Variants in ALPL observed in about 807,000 individuals in gnomAD.
The protein encoded by ALPL is alkaline phosphatase, biomineralization associated.
A neutral mutation model predicts 51.3 loss-of-function variants in ALPL; 42 were observed. That is an observed-to-expected ratio of 0.82 (90% CI 0.64 to 1.06). The LOEUF (loss-of-function observed/expected upper bound fraction) is 1.06. Among genes scored for constraint, ALPL ranks in the 50% least tolerant of loss-of-function variants. The probability of loss-of-function intolerance (pLI) is 0.00; values close to 1 mark genes in which losing one functional copy is unlikely to be tolerated. For missense variants in ALPL, 589 were observed against 709.4 expected (o/e 0.83, Z 1.93); for synonymous variants, 279 against 296.4 (o/e 0.94, Z 0.60).
At chr1:21,562,272 GA>G (rs1644495592) in intron 4 of ALPL, among the ~76,000 whole-genome samples, 1 of 152,146 alleles carries the variant, frequency 6.6e-6, no homozygotes, top group African/African-American at 2.4e-5. Context: ...CATGTTTTTG[GA>G]AAAAATGATG....
rs1644532862 is a variant in ALPL, at chr1:21,564,310, C to T, written c.648+94C>T. Reference sequence around the variant, plus strand: ...GCCCAGGCTGGCCCGGAGAAAGCAGCCTGGCCTGGCTCCCCACACACCTGG... The same window carrying T: ...GCCCAGGCTGGCCCGGAGAAAGCAGTCTGGCCTGGCTCCCCACACACCTGG... On this transcript the variant is annotated intron_variant, in intron 6 of 11. Coordinates refer to ENST00000374840, the MANE Select transcript of ALPL (RefSeq NM_000478.6). The surrounding 1 kb of genome is among the most constrained non-coding windows in gnomAD (Gnocchi z 5.8). 3 of 1,495,438 alleles carry T rather than the reference C, an allele frequency of 2.0e-6. No homozygotes were observed. The highest frequency in any genetic ancestry group is 2.7e-6 in the Non-Finnish European group (3 of 1,095,612). The allele number at this position is 1,495,438 out of a possible 1,614,324, so 92.6% of individuals were successfully genotyped here.
intron 1 of ALPL, among the ~76,000 whole-genome samples, chr1:21,528,880 G>A (rs1643989592): frequency 6.6e-6 from 1 of 151,576 alleles, no homozygotes; most frequent in Non-Finnish European, 1.5e-5. Context: ...GACCAGCCTG[G>A]TCAACATGGC....
In ALPL at chr1:21,573,708, C is replaced by G. The variant is rs560308330; in HGVS notation, c.906C>G (p.Asn302Lys). ...PGDMQYELNR[N>K]NVTDPSLSEM... Reference sequence around the variant, plus strand: ...ACATGCAGTACGAGCTGAACAGGAACAACGTGACGGACCCGTCACTCTCCG... The same window carrying G: ...ACATGCAGTACGAGCTGAACAGGAAGAACGTGACGGACCCGTCACTCTCCG... The change falls in exon 9 of 12, where the codon AAC (asparagine) becomes AAG (lysine). Residue 302 changes from asparagine (N) to lysine (K), a missense_variant. By Grantham distance (94) the Asn-to-Lys change is moderately conservative. Transcript: ENST00000374840. The G allele has an allele frequency of 1.2e-6, 2 of 1,614,078 alleles. No individual in the cohort carries two copies. Among genetic ancestry groups the G allele is most frequent in the South Asian group, 2.2e-5 (2 of 91,060 alleles).
intron 1 of ALPL, among the ~76,000 whole-genome samples, chr1:21,520,682 C>T (rs1430274705): frequency 1.3e-5 from 2 of 152,066 alleles, no homozygotes; most frequent in African/African-American, 4.8e-5. Flanking sequence ...AGGATGTTCT[C>T]GATCTCCTGA....
chr1:21,546,372 G>A (rs1320290343), intron 1 of ALPL, among the ~76,000 whole-genome samples: 1 of 152,186 alleles, frequency 6.6e-6, no homozygotes, highest in Non-Finnish European at 1.5e-5. Context: ...GGGATCTGAG[G>A]TGTACCAGGA....
At chr1:21,534,967 T>TA (rs941118964) in intron 1 of ALPL, among the ~76,000 whole-genome samples, 5 of 152,202 alleles carry the variant, frequency 3.3e-5, no homozygotes, top group African/African-American at 1.2e-4. Context: ...CCGCTGTACT[T>TA]ACCGCCACCT....
chr1:21,560,931 G>A (rs1644475683), intron 3 of ALPL, among the ~76,000 whole-genome samples, 166 bp from the exon 4 acceptor site: 1 of 152,184 alleles, frequency 6.6e-6, no homozygotes, highest in African/African-American at 2.4e-5. Flanking sequence ...CTGAGGATCT[G>A]GGGGTGAAGG....
rs761079751 is a variant in ALPL at position 21,577,556 on chromosome 1, G to A, written c.1483G>A (p.Gly495Ser). ...AYAACIGANL[G>S]HCAPASSAGS... The stretch of plus-strand genomic sequence containing the variant: ...TGCAGCCTGCATCGGGGCCAACCTC[G>A]GCCACTGTGCTCCTGCCAGCTCGGC... The change falls in exon 12 of 12, where the codon GGC becomes AGC. Residue 495 changes from glycine to serine, a missense_variant. Coordinates refer to ENST00000374840, the MANE Select transcript of ALPL (RefSeq NM_000478.6). The A allele has an allele frequency of 9.3e-6, 15 of 1,604,752 alleles. No homozygotes were observed. The highest frequency in any genetic ancestry group is 7.7e-5 in the South Asian group (7 of 91,078).
intron 1 of ALPL, among the ~76,000 whole-genome samples, chr1:21,536,771 G>A (rs1644112131): frequency 1.3e-5 from 2 of 152,042 alleles, no homozygotes; most frequent in Non-Finnish European, 2.9e-5. Context: ...GTTAGGAAGG[G>A]GAAACAGACT....
At chr1:21,528,573 G>T (rs1252691725) in intron 1 of ALPL, among the ~76,000 whole-genome samples, 1 of 151,186 alleles carries the variant, frequency 6.6e-6, no homozygotes, top group Non-Finnish European at 1.5e-5. Context: ...ACTGGTCTCG[G>T]ACTCCTGACC....
At chr1:21,574,073 T>C (rs953696058) in intron 9 of ALPL, 1 of 985,472 alleles carries the variant, frequency 1.0e-6, no homozygotes, top group South Asian at 4.7e-5. Context: ...GTAGTCTTTC[T>C]TGGGGACCTG....
At chr1:21,540,760 A>G (rs1288150915) in intron 1 of ALPL, among the ~76,000 whole-genome samples, 1 of 150,982 alleles carries the variant, frequency 6.6e-6, no homozygotes, top group Admixed American at 6.6e-5. Flanking sequence ...GCTCATCTCA[A>G]CCCCATCATC....
chr1:21,524,293 C>T (rs534900721), intron 1 of ALPL, among the ~76,000 whole-genome samples: 39 of 152,194 alleles, frequency 2.6e-4, no homozygotes, highest in African/African-American at 9.1e-4. Flanking sequence ...TGAGCTACTG[C>T]GCCCGGCCCA....
At chr1:21,524,333 A>C (rs1643915031) in intron 1 of ALPL, among the ~76,000 whole-genome samples, 1 of 152,094 alleles carries the variant, frequency 6.6e-6, no homozygotes, top group African/African-American at 2.4e-5. Flanking sequence ...AAAGAATGGA[A>C]GCACAGGCTG....
chr1:21,567,006 C>T (rs781581003), intron 6 of ALPL, among the ~76,000 whole-genome samples: 4 of 152,174 alleles, frequency 2.6e-5, no homozygotes, highest in East Asian at 1.9e-4. Context: ...TCAAAGCTCA[C>T]GGCCATGACC....
chr1:21,532,766 C>T (rs1644047647), intron 1 of ALPL, among the ~76,000 whole-genome samples: 2 of 152,178 alleles, frequency 1.3e-5, no homozygotes, highest in African/African-American at 4.8e-5. Flanking sequence ...TCCACTTCTG[C>T]TGAAACACTT....
rs563514353 is a variant in ALPL, at chr1:21,514,046, T to C, written c.-105+4529T>C. Among the ~76,000 whole-genome samples the C allele has an allele frequency of 1.0e-3, 153 of 152,284 alleles. 1 individual carries two copies. Among genetic ancestry groups the C allele is most frequent in the African/African-American group, 3.7e-3 (152 of 41,564 alleles). The stretch of plus-strand genomic sequence containing the variant: ...GATTGTGTGGGGCTTGGGCCAGCCC[T>C]CAGGGGGCTCAGGGTGAGAATATGG... On this transcript the variant is annotated intron_variant, in intron 1 of 11. Coordinates refer to ENST00000374840, the MANE Select transcript of ALPL (RefSeq NM_000478.6).
intron 9 of ALPL, 31 bp from the exon 10 acceptor site, chr1:21,575,702 C>T (rs368409274): frequency 1.1e-5 from 18 of 1,613,072 alleles, no homozygotes; most frequent in Non-Finnish European, 1.4e-5. Flanking sequence ...CCCCTCCTCC[C>T]TCACCGAGGC....
At chr1:21,563,529 A>G (rs1316909132) in intron 5 of ALPL, among the ~76,000 whole-genome samples, 1 of 152,150 alleles carries the variant, frequency 6.6e-6, no homozygotes, top group East Asian at 1.9e-4. Flanking sequence ...TCATTTGACT[A>G]TAAAACGGGT....
Sources: allele counts gnomAD v4.1 joint callset (sites outside exome capture counted in the v4.1 genomes callset), GRCh38; gene constraint gnomAD v4.1.1; non-coding constraint Gnocchi (gnomAD v3.1); transcripts MANE v1.5; gene names NCBI Gene and HGNC (gene_info 2026-07-23, HGNC 2026-07-21).